Variants in AP3D1 observed in about 807,000 individuals in gnomAD.
AP3D1 encodes the protein AP-3 complex subunit delta-1.
In AP3D1, 51 loss-of-function variants were observed where a neutral mutation model predicts 147.6. The observed-to-expected ratio is 0.35, with a 90% CI of 0.28 to 0.44. The LOEUF (loss-of-function observed/expected upper bound fraction) is 0.44, where lower values mean the gene tolerates loss of function less well. Ranked by LOEUF, AP3D1 falls within the 20% of genes least tolerant of loss-of-function variation. AP3D1 has a pLI of 1.00. For synonymous variants in AP3D1, 760 were observed against 663.0 expected, an observed-to-expected ratio of 1.15 and a Z score of -2.25; for missense variants, 1,421 against 1,624.2, an observed-to-expected ratio of 0.87 and a Z score of 2.15.
intron 12 of AP3D1, 44 bp from the exon 13 acceptor site, chr19:2,121,355 G>C: frequency 6.2e-7 from 1 of 1,603,862 alleles, no homozygotes; most frequent in Non-Finnish European, 8.5e-7. Flanking sequence ...GACCCAGCCT[G>C]GGGCCTGCTT....
At chr19:2,116,179 G>C in intron 18 of AP3D1, 28 bp downstream of exon 18, 1 of 1,610,674 alleles carries the variant, frequency 6.2e-7, no homozygotes, top group Non-Finnish European at 8.5e-7. Flanking sequence ...AGGGTGCTGA[G>C]GGACAGGCAC....
At chr19:2,148,781 G>C (rs1286499732) in intron 1 of AP3D1, among the ~76,000 whole-genome samples, 1 of 152,160 alleles carries the variant, frequency 6.6e-6, no homozygotes, top group Non-Finnish European at 1.5e-5. Context: ...GCCTTTCCAC[G>C]TGGCTTTCAA....
intron 5 of AP3D1, among the ~76,000 whole-genome samples, chr19:2,131,133 G>A (rs564594477): frequency 2.7e-4 from 41 of 152,238 alleles, no homozygotes; most frequent in Admixed American, 2.2e-3. Context: ...GGCCACCAGA[G>A]ACAACACAAC....
chr19:2,161,286 C>T (rs572823592), intron 1 of AP3D1, among the ~76,000 whole-genome samples: 32 of 151,830 alleles, frequency 2.1e-4, no homozygotes, highest in Non-Finnish European at 1.8e-4. Flanking sequence ...CTCAGCCTCC[C>T]GAGTAGCTGG....
At chr19:2,121,984 T>C (rs1355838558) in intron 11 of AP3D1, 105 bp from the exon 12 acceptor site, 7 of 1,347,382 alleles carry the variant, frequency 5.2e-6, no homozygotes, top group Middle Eastern at 4.0e-4. Flanking sequence ...GGAGGCTGCC[T>C]GGCCTTGGCA....
intron 16 of AP3D1, 184 bp downstream of exon 16, chr19:2,117,038 A>C (rs1318011470): frequency 5.8e-6 from 5 of 868,798 alleles, no homozygotes; most frequent in African/African-American, 1.7e-5. Context: ...CCCAGGCAGA[A>C]GCCAGATCCC....
At chr19:2,117,665 C>CG (rs1440453979) in intron 15 of AP3D1, among the ~76,000 whole-genome samples, 4 of 152,266 alleles carry the variant, frequency 2.6e-5, no homozygotes, top group Non-Finnish European at 5.9e-5. Context: ...CCACCTCCCT[C>CG]GGCCCCCGCG....
chr19:2,164,342 C>G, intron 1 of AP3D1: 1 of 1,051,088 alleles, frequency 9.5e-7, no homozygotes, highest in Non-Finnish European at 1.2e-6. Context: ...CAAACCCCCC[C>G]AAGCCGCGCT....
At position 2,114,817 on chromosome 19, in the gene AP3D1, G is replaced by A; in HGVS notation, c.2354C>T (p.Ala785Val). 6.2e-7 allele frequency: 1 copy of A among 1,614,046 alleles called. No homozygotes were observed. Among genetic ancestry groups the A allele is most frequent in the African/African-American group, 1.3e-5 (1 of 75,062 alleles). ...DIVTEEMPEN[A>V]LPSDEDDKDP... ...TTTGTCATCCTCGTCGCTGGGCAGA[G>A]CATTCTGACAGGAAGAGAGGAACCC... The change falls in exon 21 of 32, where the codon GCT becomes GTT. Residue 785 changes from alanine (A) to valine (V), a missense_variant. Coordinates refer to ENST00000643116, the MANE Select transcript of AP3D1 (RefSeq NM_001261826.3).
At chr19:2,110,053 C>T in intron 28 of AP3D1, 83 bp downstream of exon 28, 2 of 1,586,266 alleles carry the variant, frequency 1.3e-6, no homozygotes, top group Non-Finnish European at 1.7e-6. Context: ...CCCCTAGGGA[C>T]ACCTGGACAC....
upstream of AP3D1, chr19:2,164,477 G>C: frequency 3.0e-6 from 1 of 333,250 alleles, no homozygotes; most frequent in Non-Finnish European, 5.4e-6. Context: ...CCTGGGGTGG[G>C]AGCGGGAGCC....
intron 9 of AP3D1, among the ~76,000 whole-genome samples, chr19:2,126,410 C>T (rs1462531985): frequency 2.6e-5 from 4 of 152,058 alleles, no homozygotes; most frequent in African/African-American, 4.8e-5. Flanking sequence ...AATCCCAGCA[C>T]TTTGGGAGGC....
chr19:2,109,069 C>T lies in AP3D1; in HGVS notation c.3472+17G>A. On this transcript the variant is annotated intron_variant, in intron 30 of 31. Transcript: ENST00000643116. ...GTGAAAGCCCCGTGCAATCCATCAG[C>T]CCCTCACTCTCCTTACCGGAAAAAT... 6.2e-7 allele frequency: 1 copy of T among 1,607,452 alleles called. No homozygotes were observed. Among genetic ancestry groups the T allele is most frequent in the Non-Finnish European group, 8.5e-7 (1 of 1,178,080 alleles).
intron 25 of AP3D1, 23 bp downstream of exon 25, chr19:2,111,655 CG>C (rs775695925): frequency 1.3e-6 from 2 of 1,565,174 alleles, no homozygotes. Context: ...CGGCGTGGGG[CG>C]GGGGCGCTGA....
chr19:2,163,321 G>A lies in AP3D1; in HGVS notation c.-103+1035C>T, dbSNP rs75495433. 3.1e-4 allele frequency among the ~76,000 whole-genome samples: 47 copies of A among 151,978 alleles called. 2 individuals are homozygous for A. In the East Asian group the frequency reaches 8.7e-3, roughly 28 times the overall value. ...ACTCCTGACCTCAGGTGATCTTCCC[G>A]CCTCGGCCTCACAAAGTGCTGGGAT... is the stretch of plus-strand genomic sequence containing the variant. On this transcript the variant is annotated intron_variant, in intron 1 of 14. Coordinates refer to the AP3D1 transcript ENST00000643010.
At chr19:2,129,202 G>A in intron 7 of AP3D1, 39 bp from the exon 8 acceptor site, 3 of 1,607,864 alleles carry the variant, frequency 1.9e-6, no homozygotes, top group Non-Finnish European at 8.5e-7. Flanking sequence ...CGCAGGGAAT[G>A]CCCCACGCAG....
intron 9 of AP3D1, among the ~76,000 whole-genome samples, chr19:2,125,572 G>A (rs981362914): frequency 6.6e-6 from 1 of 152,148 alleles, no homozygotes; most frequent in African/African-American, 2.4e-5. Flanking sequence ...ACCTGCCTCG[G>A]CCTCCCAAAG....
chr19:2,145,008 A>G (rs2019320269), intron 1 of AP3D1, among the ~76,000 whole-genome samples: 2 of 152,222 alleles, frequency 1.3e-5, no homozygotes, highest in South Asian at 2.1e-4. Flanking sequence ...TTCTGAACGT[A>G]TTGTGCTGAA....
At chr19:2,142,499 T>C (rs1385651444) in intron 1 of AP3D1, among the ~76,000 whole-genome samples, 1 of 152,170 alleles carries the variant, frequency 6.6e-6, no homozygotes, top group Non-Finnish European at 1.5e-5. Context: ...TCGCCTCCAA[T>C]GAATTAAGTC....
Sources: allele counts gnomAD v4.1 joint callset (sites outside exome capture counted in the v4.1 genomes callset), GRCh38; gene constraint gnomAD v4.1.1; transcripts MANE v1.5; gene names NCBI Gene and HGNC (gene_info 2026-07-23, HGNC 2026-07-21).